Variants in RBFOX1 observed in about 807,000 individuals in gnomAD.
RBFOX1 encodes RNA binding fox-1 homolog 1.
RBFOX1 carries 8 observed loss-of-function variants against 57.7 expected under a neutral mutation model. The ratio of observed to expected loss-of-function variants is 0.14; its 90% CI spans 0.08 to 0.25. RBFOX1 has a LOEUF of 0.25. Ranked by LOEUF, RBFOX1 falls within the 10% of genes least tolerant of loss-of-function variation. The probability of loss-of-function intolerance (pLI) is 1.00; values close to 1 mark genes in which losing one functional copy is unlikely to be tolerated. For synonymous variants in RBFOX1, 326 were observed against 222.4 expected, an observed-to-expected ratio of 1.47 and a Z score of -4.15; for missense variants, 611 against 548.5, an observed-to-expected ratio of 1.11 and a Z score of -1.14.
intron 10 of RBFOX1, among the ~76,000 whole-genome samples, chr16:7,615,855 G>C (rs903437851): frequency 2.0e-5 from 3 of 152,126 alleles, no homozygotes; most frequent in South Asian, 2.1e-4. Flanking sequence ...AATGTCAATA[G>C]TGCTGGGTTT....
At chr16:7,664,023 G>C (rs1231323666) in intron 12 of RBFOX1, among the ~76,000 whole-genome samples, 5 of 152,140 alleles carry the variant, frequency 3.3e-5, no homozygotes, top group African/African-American at 1.2e-4. Context: ...GGCAATCAGA[G>C]AGCTGCTATC....
At chr16:6,567,674 A>G (rs933836684) in intron 2 of RBFOX1, among the ~76,000 whole-genome samples, 3 of 152,150 alleles carry the variant, frequency 2.0e-5, no homozygotes, top group Non-Finnish European at 4.4e-5. Context: ...GGCACCCAGT[A>G]GATATTCTGA....
At chr16:5,901,527 G>A (rs2058304807) in intron 4 of RBFOX1, among the ~76,000 whole-genome samples, 1 of 152,124 alleles carries the variant, frequency 6.6e-6, no homozygotes, top group Non-Finnish European at 1.5e-5. Context: ...GCCACTCAAT[G>A]CATGTGGCCG....
rs146381699 is a variant in RBFOX1, at chr16:5,584,458, C to T, written c.259-14444C>T. ...TGTTCCGTCTTCCCTTGTCTCATTACGTCTATTTCTGATACCATTGCCCAC... is the reference window on the plus strand; with the variant it reads ...TGTTCCGTCTTCCCTTGTCTCATTATGTCTATTTCTGATACCATTGCCCAC... On this transcript the variant is annotated intron_variant, in intron 2 of 2. Transcript: ENST00000585867. Among the ~76,000 whole-genome samples, 34 of 152,316 alleles carry T rather than the reference C, an allele frequency of 2.2e-4. No individual in the cohort carries two copies. The South Asian group carries it at 6.4e-3, about 29-fold the overall frequency.
At position 6,812,019 on chromosome 16, in the gene RBFOX1, A is replaced by G. The variant is rs548820613; in HGVS notation, c.-16+157369A>G. Reference sequence around the variant, plus strand: ...AGAGGTGGCCATGCCATTTCTCCAGATAAATAGTGCAGTACAAGAGTGTTG... The same window carrying G: ...AGAGGTGGCCATGCCATTTCTCCAGGTAAATAGTGCAGTACAAGAGTGTTG... On this transcript the variant is annotated intron_variant, in intron 3 of 15. Coordinates refer to ENST00000550418, the MANE Select transcript of RBFOX1 (RefSeq NM_018723.4). 2.0e-5 allele frequency among the ~76,000 whole-genome samples: 3 copies of G among 152,306 alleles called. No individual in the cohort carries two copies. In the South Asian group the frequency reaches 6.2e-4, roughly 32 times the overall value.
intron 4 of RBFOX1, among the ~76,000 whole-genome samples, chr16:5,902,455 C>A (rs974719326): frequency 1.3e-5 from 2 of 151,886 alleles, no homozygotes; most frequent in African/African-American, 4.8e-5. Context: ...GCTCTGACAC[C>A]CAGACTGGAG....
At chr16:6,222,376 TAAC>T in intron 1 of RBFOX1, among the ~76,000 whole-genome samples, 1 of 152,004 alleles carries the variant, frequency 6.6e-6, no homozygotes, top group East Asian at 1.9e-4. Flanking sequence ...GACAAAAACA[TAAC>T]AAAAAGGGTT....
chr16:7,710,853 A>AT lies in RBFOX1; in HGVS notation c.*108_*109insT. On this transcript the variant is annotated 3_prime_UTR_variant, in exon 16 of 16. Coordinates refer to ENST00000550418, the MANE Select transcript of RBFOX1 (RefSeq NM_018723.4). ...ATCATTTTAGCAACTCTAAAAAAAA[A>AT]AAAAATACAAATAAAAAGGAAAAAA... 3.7e-6 allele frequency: 4 copies of AT among 1,084,894 alleles called. No homozygotes were observed. In the South Asian group the frequency reaches 1.1e-4, roughly 29 times the overall value. The allele number at this position is 1,084,894 out of a possible 1,614,324, so 67.2% of individuals were successfully genotyped here.
chr16:7,126,920 A>C (rs2068715028), intron 4 of RBFOX1, among the ~76,000 whole-genome samples: 1 of 151,734 alleles, frequency 6.6e-6, no homozygotes, highest in Admixed American at 6.6e-5. Context: ...GAGGCAGGAG[A>C]ATAGCTTAAA....
At chr16:7,021,502 A>G (rs1014722907) in intron 3 of RBFOX1, among the ~76,000 whole-genome samples, 2 of 145,662 alleles carry the variant, frequency 1.4e-5, no homozygotes, top group Admixed American at 1.4e-4. Flanking sequence ...AATATTTTAT[A>G]TAAATATTAT....
intron 2 of RBFOX1, among the ~76,000 whole-genome samples, chr16:6,448,970 C>T (rs1019485569): frequency 1.3e-5 from 2 of 152,126 alleles, no homozygotes; most frequent in African/African-American, 4.8e-5. Context: ...CTAATTTCAG[C>T]AGATGTGTGG....
chr16:7,351,165 G>T (rs1174720988), intron 4 of RBFOX1, among the ~76,000 whole-genome samples: 2 of 152,216 alleles, frequency 1.3e-5, no homozygotes, highest in South Asian at 2.1e-4. Context: ...CAACTTGGGA[G>T]TTTGGATTCA....
intron 2 of RBFOX1, among the ~76,000 whole-genome samples, chr16:6,574,634 T>G (rs189416034): frequency 0.023 from 3,445 of 147,866 alleles, 132 homozygotes; most frequent in African/African-American, 0.08. Flanking sequence ...TTCACCGTTT[T>G]AGCCGGGATG....
chr16:7,710,278 TACATTC>T, intron 15 of RBFOX1: 3 of 1,116,564 alleles, frequency 2.7e-6, no homozygotes, highest in Non-Finnish European at 1.1e-6. Context: ...AGAGTTGAAT[TACATTC>T]AACAACTGGT....
intron 3 of RBFOX1, among the ~76,000 whole-genome samples, chr16:6,681,928 C>G (rs1458270493): frequency 6.6e-6 from 1 of 152,136 alleles, no homozygotes; most frequent in Non-Finnish European, 1.5e-5. Context: ...TCAAGTATGT[C>G]CCTTAAAGTA....
chr16:5,345,379 G>C (rs982289532), intron 1 of RBFOX1, among the ~76,000 whole-genome samples: 3 of 152,106 alleles, frequency 2.0e-5, no homozygotes, highest in African/African-American at 7.2e-5. Flanking sequence ...GTAACACAAA[G>C]CACCCCATTC....
intron 4 of RBFOX1, among the ~76,000 whole-genome samples, chr16:7,135,682 C>T (rs1421746049): frequency 6.6e-6 from 1 of 152,222 alleles, no homozygotes. Flanking sequence ...CTGGTTCATT[C>T]CAACAAGAGA....
intron 3 of RBFOX1, among the ~76,000 whole-genome samples, chr16:5,757,231 G>GT (rs562031050): frequency 0.011 from 1,405 of 126,996 alleles, 13 homozygotes; most frequent in African/African-American, 0.019. Flanking sequence ...TGGTTTTTGT[G>GT]TTTTTTTTTT....
chr16:6,941,003 G>A (rs982191823), intron 3 of RBFOX1, among the ~76,000 whole-genome samples: 4 of 151,946 alleles, frequency 2.6e-5, no homozygotes, highest in East Asian at 1.9e-4. Context: ...CACCACACCC[G>A]GCCCCCCTTA....
Sources: allele counts gnomAD v4.1 joint callset (sites outside exome capture counted in the v4.1 genomes callset), GRCh38; gene constraint gnomAD v4.1.1; transcripts MANE v1.5; gene names NCBI Gene and HGNC (gene_info 2026-07-23, HGNC 2026-07-21).